Variants in CD109 observed in about 807,000 individuals in gnomAD.
CD109 encodes the protein CD109 antigen.
CD109 carries 149 observed loss-of-function variants against 165.8 expected under a neutral mutation model. The observed-to-expected ratio is 0.90, with a 90% CI of 0.79 to 1.03. The LOEUF (loss-of-function observed/expected upper bound fraction) is 1.03. Ranked by LOEUF, CD109 falls within the 50% of genes least tolerant of loss-of-function variation. The pLI, the probability that CD109 is intolerant of heterozygous loss-of-function variation, is 0.00. For synonymous variants in CD109, 585 were observed against 592.1 expected (o/e 0.99, Z 0.18); for missense variants, 1,712 against 1,677.8 (o/e 1.02, Z -0.36).
chr6:73,754,992 A>G (rs754955098), intron 5 of CD109, among the ~76,000 whole-genome samples: 1 of 152,232 alleles, frequency 6.6e-6, no homozygotes. Flanking sequence ...TGTTTGCTAT[A>G]TGAATGAAAC....
chr6:73,756,794 A>T, intron 6 of CD109, 112 bp downstream of exon 6: 1 of 701,118 alleles, frequency 1.4e-6, no homozygotes, highest in Non-Finnish European at 2.2e-6. Context: ...AATGGAGTTA[A>T]AATTCTGGTG....
At chr6:73,806,728 T>A in intron 24 of CD109, 116 bp from the exon 25 acceptor site, 1 of 677,276 alleles carries the variant, frequency 1.5e-6, no homozygotes, top group South Asian at 2.1e-5. Flanking sequence ...CTTCAGTGAT[T>A]CCCCCTTTGA....
chr6:73,786,025 A>G (rs1315374488), intron 20 of CD109, among the ~76,000 whole-genome samples: 3 of 151,246 alleles, frequency 2.0e-5, no homozygotes, highest in Admixed American at 1.3e-4. Flanking sequence ...TGTGTTTTTC[A>G]TAGAGACAGA....
At chr6:73,818,274 TCAAA>T (rs1323951753) in intron 30 of CD109, 110 bp from the exon 31 acceptor site, 3 of 1,060,354 alleles carry the variant, frequency 2.8e-6, no homozygotes, top group Non-Finnish European at 4.2e-6. Flanking sequence ...TTATTTGAAC[TCAAA>T]CAGTGTTTGG....
At chr6:73,785,870 G>A (rs1027510413) in intron 20 of CD109, among the ~76,000 whole-genome samples, 2 of 145,484 alleles carry the variant, frequency 1.4e-5, no homozygotes, top group Admixed American at 1.4e-4. Flanking sequence ...TTTGAGACAT[G>A]GTCTTGCTCT....
In CD109 at chr6:73,820,490, T is replaced by G. The variant is rs371830925; in HGVS notation, c.4089T>G (p.Ile1363Met). 1.2e-6 allele frequency: 2 copies of G among 1,611,954 alleles called. No homozygotes were observed. Among genetic ancestry groups the G allele is most frequent in the African/African-American group, 2.7e-5 (2 of 74,986 alleles). ...SVNETQFCVN[I>M]PAVRNFKVSN... ...ATGAAACCCAGTTTTGTGTTAATAT[T>G]CCTGCTGTGAGAAACTTTAAAGTTT... The change falls in exon 32 of 33, where the codon ATT (isoleucine) becomes ATG (methionine). Residue 1363 changes from isoleucine (I) to methionine (M), a missense_variant. By Grantham distance (10) the Ile-to-Met change is conservative. Coordinates refer to ENST00000287097, the MANE Select transcript of CD109 (RefSeq NM_133493.5).
Position 73,782,756 on chromosome 6 carries a change from G to A in CD109, c.2105+1G>A, listed in dbSNP as rs765627509. On this transcript the variant is annotated splice_donor_variant, in intron 18 of 32. Coordinates refer to ENST00000287097, the MANE Select transcript of CD109 (RefSeq NM_133493.5). LOFTEE classifies it high-confidence loss of function. ...GGATTTGGCTAGACACCAACATGGG[G>A]TAAAAATTTATAAAGTTCTTTGCCC... 1.9e-6 allele frequency: 3 copies of A among 1,612,984 alleles called. No homozygotes were observed. The South Asian group carries it at 3.3e-5, about 18-fold the overall frequency.
At position 73,707,962 on chromosome 6, in the gene CD109, TTATATATATATATATATATATATATATA is replaced by T. The variant is rs200081535; in HGVS notation, c.247+10410_247+10437del. 8.8e-3 allele frequency among the ~76,000 whole-genome samples: 1,111 copies of T among 126,802 alleles called. 36 individuals are homozygous for T. Among genetic ancestry groups the T allele is most frequent in the African/African-American group, 0.034 (1,030 of 30,518 alleles). 83.2% of individuals were successfully genotyped at this position (126,802 alleles called of 152,430 possible). A position where few individuals can be genotyped will look rare whatever the true frequency, so the allele number is the denominator to read the frequency against. ...GAACTTTGATTTAAAATTGTTATCT[TTATATATATATATATATATATATATATA>T]TATATATATATATATATATTTATTA... On this transcript the variant is annotated intron_variant, in intron 2 of 32. Coordinates refer to ENST00000287097, the MANE Select transcript of CD109 (RefSeq NM_133493.5).
At chr6:73,680,668 C>T in the CD109 span, among the ~76,000 whole-genome samples, 1 of 152,074 alleles carries the variant, frequency 6.6e-6, no homozygotes, top group Non-Finnish European at 1.5e-5. Flanking sequence ...TTAGTCAGGA[C>T]TTCCTTCCTG....
upstream of CD109, among the ~76,000 whole-genome samples, chr6:73,692,542 C>T (rs1042450127): frequency 1.3e-5 from 2 of 152,052 alleles, no homozygotes; most frequent in African/African-American, 4.8e-5. Context: ...TGTCTATGTA[C>T]ACATAAATAC....
chr6:73,768,291 G>A (rs1263068528), intron 14 of CD109, 60 bp downstream of exon 14: 8 of 1,019,498 alleles, frequency 7.8e-6, no homozygotes, highest in African/African-American at 6.5e-5. Flanking sequence ...TCTGAGAAAT[G>A]TAATATTTCT....
chr6:73,813,323 T>C (rs1775814970), intron 29 of CD109, among the ~76,000 whole-genome samples: 2 of 152,212 alleles, frequency 1.3e-5, no homozygotes, highest in Admixed American at 6.6e-5. Flanking sequence ...GTATTCTAGA[T>C]AAAATTGAAA....
chr6:73,799,048 T>G (rs1475263487), intron 23 of CD109, among the ~76,000 whole-genome samples: 1 of 152,152 alleles, frequency 6.6e-6, no homozygotes, highest in Non-Finnish European at 1.5e-5. Context: ...ACTCTGGCTA[T>G]CTGGAGAATT....
At chr6:73,760,868 C>T (rs60885576) in intron 7 of CD109, among the ~76,000 whole-genome samples, 14,246 of 151,260 alleles carry the variant, frequency 0.094, 1,927 homozygotes, top group African/African-American at 0.29. Flanking sequence ...AAATAAAATT[C>T]GCTGGACGTG....
intron 5 of CD109, among the ~76,000 whole-genome samples, chr6:73,747,971 G>A (rs1773040187): frequency 6.6e-6 from 1 of 151,618 alleles, no homozygotes. Context: ...CCGAGTTCAA[G>A]TGATCTTCCT....
At chr6:73,777,812 A>C (rs916915656) in intron 15 of CD109, among the ~76,000 whole-genome samples, 1 of 152,132 alleles carries the variant, frequency 6.6e-6, no homozygotes, top group Non-Finnish European at 1.5e-5. Flanking sequence ...TTTGGTTACT[A>C]TAGCCTTGTA....
intron 15 of CD109, among the ~76,000 whole-genome samples, chr6:73,772,206 T>C (rs952081364): frequency 1.3e-5 from 2 of 152,074 alleles, no homozygotes; most frequent in Non-Finnish European, 2.9e-5. Flanking sequence ...TGGTTATAAA[T>C]AATTACAGCA....
At chr6:73,781,006 C>CAT (rs1774470635) in intron 16 of CD109, among the ~76,000 whole-genome samples, 2 of 112,838 alleles carry the variant, frequency 1.8e-5, no homozygotes, top group African/African-American at 7.4e-5. Context: ...TATGTGTATG[C>CAT]GTGTGTGTGT....
At position 73,716,541 on chromosome 6, in the gene CD109, A is replaced by G. The variant is rs527872164; in HGVS notation, c.248-6710A>G. Among the ~76,000 whole-genome samples the G allele has an allele frequency of 3.9e-5, 6 of 152,278 alleles. No homozygotes were observed. The East Asian group carries it at 7.7e-4, about 20-fold the overall frequency. ...TTCTCTAATGATCAATGGTGTTGAG[A>G]GGGCCTTTTCATATACCTGTTTGCC... On this transcript the variant is annotated intron_variant, in intron 2 of 32. Transcript: ENST00000287097.
Sources: allele counts gnomAD v4.1 joint callset (sites outside exome capture counted in the v4.1 genomes callset), GRCh38; gene constraint gnomAD v4.1.1; transcripts MANE v1.5; gene names NCBI Gene and HGNC (gene_info 2026-07-23, HGNC 2026-07-21).